Variants in FAM151A observed in about 807,000 individuals in gnomAD.
FAM151A encodes protein FAM151A.
A neutral mutation model predicts 40.4 loss-of-function variants in FAM151A; 41 were observed. The observed-to-expected ratio is 1.01, with a 90% CI of 0.79 to 1.32. FAM151A has a LOEUF of 1.32. FAM151A is among the 40% of genes most tolerant of loss of function. The pLI, the probability that FAM151A is intolerant of heterozygous loss-of-function variation, is 0.00. For missense variants in FAM151A, 740 were observed against 740.4 expected, an observed-to-expected ratio of 1.00 and a Z score of 0.01; for synonymous variants, 337 against 312.5, an observed-to-expected ratio of 1.08 and a Z score of -0.83.
chr1:54,622,568 C>CA (rs111738675), intron 1 of FAM151A, among the ~76,000 whole-genome samples: 5,970 of 140,072 alleles, frequency 0.043, 241 homozygotes, highest in African/African-American at 0.1. Flanking sequence ...GACTCCGTTT[C>CA]AAAAAAAAAA....
At chr1:54,618,799 A>C (rs1644200293) in intron 2 of FAM151A, among the ~76,000 whole-genome samples, 1 of 151,940 alleles carries the variant, frequency 6.6e-6, no homozygotes, top group Non-Finnish European at 1.5e-5. Context: ...TCCAGTCCCC[A>C]CCCTAACACT....
At chr1:54,621,592 G>A (rs1644230274) in intron 1 of FAM151A, 1 of 152,278 alleles carries the variant, frequency 6.6e-6, no homozygotes, top group Non-Finnish European at 1.5e-5. Context: ...GGGTTGCTTG[G>A]AAAGATCTGG....
At chr1:54,614,026 A>T (rs928308444) in intron 4 of FAM151A, among the ~76,000 whole-genome samples, 34 of 152,360 alleles carry the variant, frequency 2.2e-4, no homozygotes, top group African/African-American at 7.5e-4. Flanking sequence ...GTGTTCTGCA[A>T]GTCAAGTGCT....
rs1644170498 is a variant in FAM151A, at chr1:54,616,105, A to C, written c.330T>G (p.Val110=). Residue 110 remains valine, a synonymous_variant, in exon 3 of 8, where the codon GTT becomes GTG. Coordinates refer to ENST00000302250, the MANE Select transcript of FAM151A (RefSeq NM_176782.3). ...EGLGTANETG[V]PIMAHPPTIY... is the part of the protein sequence containing the mutation. Reference sequence around the variant, plus strand: ...TAGTGGGGGGGTGTGCCATGATGGGAACTCCTGTCTCATTGGCTGTGCCGA... The same window carrying C: ...TAGTGGGGGGGTGTGCCATGATGGGCACTCCTGTCTCATTGGCTGTGCCGA... 1 of 1,614,106 alleles carries C rather than the reference A, an allele frequency of 6.2e-7. No individual in the cohort carries two copies. The highest frequency in any genetic ancestry group is 1.3e-5 in the African/African-American group (1 of 75,028).
At chr1:54,613,265 G>C (rs1644137699) in intron 4 of FAM151A, among the ~76,000 whole-genome samples, 1 of 152,040 alleles carries the variant, frequency 6.6e-6, no homozygotes, top group African/African-American at 2.4e-5. Flanking sequence ...TATAATCCCA[G>C]CTACTTGGGA....
At position 54,612,566 on chromosome 1, in the gene FAM151A, C is replaced by T. The variant is rs745349315; in HGVS notation, c.720G>A (p.Gln240=). ...AAGACCGTACAGGGAAGGTGACCCT[C>T]TGGGGCACTCCTCCCACCAGCTCGT... ...KMHELVGGVP[Q]RVTFPVRSSM... is the part of the protein sequence containing the mutation. The change falls in exon 5 of 8, where the codon CAG becomes CAA. Residue 240 remains glutamine (Q), a synonymous_variant. Transcript: ENST00000302250. 3.7e-6 allele frequency: 6 copies of T among 1,613,960 alleles called. No individual in the cohort carries two copies. Among genetic ancestry groups the T allele is most frequent in the East Asian group, 2.2e-5 (1 of 44,852 alleles).
chr1:54,613,545 C>G (rs576747294), intron 4 of FAM151A, among the ~76,000 whole-genome samples: 81 of 152,260 alleles, frequency 5.3e-4, no homozygotes, highest in Non-Finnish European at 9.0e-4. Flanking sequence ...ACCTTGGCCT[C>G]CCAAAGTACT....
At position 54,611,616 on chromosome 1, in the gene FAM151A, CT is replaced by C. The variant is rs1182274513; in HGVS notation, c.929del (p.Lys310SerfsTer5). On this transcript the variant is annotated frameshift_variant, in exon 6 of 8. Coordinates refer to ENST00000302250, the MANE Select transcript of FAM151A (RefSeq NM_176782.3). LOFTEE classifies it high-confidence loss of function. The stretch of plus-strand genomic sequence containing the variant: ...AATTCCTCTCCTTACAGGCCAGCTG[CT>C]TGAACTGTGACAGGAGAGGCTCAAA... Reference protein sequence around the residue: ...DIFEPLLSQFKQLALNATRKP... With the variant: ...DIFEPLLSQFXQLALNATRKP... 3 of 1,613,994 alleles carry C rather than the reference CT, an allele frequency of 1.9e-6. No individual in the cohort carries two copies. Among genetic ancestry groups the C allele is most frequent in the Non-Finnish European group, 2.5e-6 (3 of 1,179,954 alleles).
At chr1:54,612,768 C>T (rs939020782) in intron 4 of FAM151A, 58 bp from the exon 5 acceptor site, 1 of 1,337,968 alleles carries the variant, frequency 7.5e-7, no homozygotes, top group Non-Finnish European at 1.1e-6. Context: ...TTCCTCTCCT[C>T]TGGGGTCTCA....
At position 54,616,065 on chromosome 1, in the gene FAM151A, T is replaced by C; in HGVS notation, c.370A>G (p.Thr124Ala). ...ACAGCGTCCAGCCACTGCTCCAGTG[T>C]GTTGTCACTGTAGATAGTGGGGGGG... ...AHPPTIYSDNTLEQWLDAVLG... is the reference protein window; with the variant it reads ...AHPPTIYSDNALEQWLDAVLG... The change falls in exon 3 of 8, where the codon ACA becomes GCA. Residue 124 changes from threonine (T) to alanine (A), a missense_variant. Physicochemically the swap from Thr to Ala is moderately conservative, Grantham distance 58. Coordinates refer to ENST00000302250, the MANE Select transcript of FAM151A (RefSeq NM_176782.3). The C allele has an allele frequency of 1.2e-6, 2 of 1,614,114 alleles. No individual in the cohort carries two copies. The highest frequency in any genetic ancestry group is 1.7e-6 in the Non-Finnish European group (2 of 1,180,018).
At chr1:54,612,737 T>C in intron 4 of FAM151A, 27 bp from the exon 5 acceptor site, 2 of 1,584,068 alleles carry the variant, frequency 1.3e-6, no homozygotes, top group Non-Finnish European at 8.7e-7. Flanking sequence ...GATGTTGGTC[T>C]CACGGAGCTG....
At chr1:54,610,079 G>A (rs1001851491) in intron 7 of FAM151A, 138 bp from the exon 8 acceptor site, 21 of 1,436,418 alleles carry the variant, frequency 1.5e-5, no homozygotes, top group Non-Finnish European at 1.8e-5. Flanking sequence ...CCCAGTTTTG[G>A]GCTCCAGGTG....
At chr1:54,618,994 T>C (rs1362743984) in intron 2 of FAM151A, among the ~76,000 whole-genome samples, 1 of 152,180 alleles carries the variant, frequency 6.6e-6, no homozygotes, top group African/African-American at 2.4e-5. Flanking sequence ...GCGTAATTAT[T>C]AATAATGACC....
At chr1:54,613,745 C>CA (rs1644142575) in intron 4 of FAM151A, among the ~76,000 whole-genome samples, 1 of 152,196 alleles carries the variant, frequency 6.6e-6, no homozygotes, top group Non-Finnish European at 1.5e-5. Context: ...TCCAGGAAGA[C>CA]AGGTCATATT....
chr1:54,611,054 A>G, intron 6 of FAM151A: 1 of 974,866 alleles, frequency 1.0e-6, no homozygotes, highest in Non-Finnish European at 1.2e-6. Context: ...CTGCTGGGCC[A>G]CATAAAAGCT....
At chr1:54,615,920 G>A (rs1484461215) in intron 3 of FAM151A, 100 bp downstream of exon 3, 8 of 1,249,642 alleles carry the variant, frequency 6.4e-6, no homozygotes, top group Middle Eastern at 2.6e-4. Flanking sequence ...TGAGCACCTC[G>A]TGTCAGGGCT....
chr1:54,609,835 GGACTCCAGCGTCAGGAT>G lies in FAM151A; in HGVS notation c.1174_1190del (p.Ile392LeufsTer72). On this transcript the variant is annotated frameshift_variant, in exon 8 of 8. Coordinates refer to ENST00000302250, the MANE Select transcript of FAM151A (RefSeq NM_176782.3). LOFTEE classifies it low-confidence loss of function (END_TRUNC). Reference sequence around the variant, plus strand: ...GATGTGTGGCCAGCTGCTGCAGGCAGGACTCCAGCGTCAGGATGTTGCCACTTGGAGTATGAACAATG... The same window carrying G: ...GATGTGTGGCCAGCTGCTGCAGGCAGGTTGCCACTTGGAGTATGAACAATG... The G allele has an allele frequency of 6.2e-7, 1 of 1,614,160 alleles. No individual in the cohort carries two copies. The highest frequency in any genetic ancestry group is 8.5e-7 in the Non-Finnish European group (1 of 1,180,030).
At chr1:54,611,117 T>C in intron 6 of FAM151A, 1 of 743,128 alleles carries the variant, frequency 1.3e-6, no homozygotes, top group Non-Finnish European at 1.6e-6. Context: ...CTCTATAAAA[T>C]GGAATCCCTC....
At chr1:54,614,951 T>TGTGC in intron 3 of FAM151A, 92 bp from the exon 4 acceptor site, 1 of 1,281,186 alleles carries the variant, frequency 7.8e-7, no homozygotes, top group South Asian at 1.4e-5. Flanking sequence ...TGTGTGTGTG[T>TGTGC]GTGCATGTGC....
Sources: gnomAD v4.1 joint callset for allele counts (sites outside exome capture counted in the v4.1 genomes callset) on GRCh38, gnomAD v4.1.1 for gene constraint, MANE v1.5 for transcripts, NCBI Gene and HGNC (gene_info 2026-07-23, HGNC 2026-07-21) for gene names.